The following CABIN1 variants were observed in gnomAD, a reference collection of about 807,000 sequenced individuals.
The protein encoded by CABIN1 is calcineurin binding protein 1.
Under a neutral mutation model 227.7 loss-of-function variants are expected in CABIN1, and 133 were observed. That is an observed-to-expected ratio of 0.58 (90% confidence interval 0.51 to 0.67). The LOEUF is 0.67. Among genes scored for constraint, CABIN1 ranks in the 30% least tolerant of loss-of-function variants. CABIN1 has a pLI of 0.00. For synonymous variants in CABIN1, 1,086 were observed against 1,155.1 expected, an observed-to-expected ratio of 0.94 and a Z score of 1.21; for missense variants, 2,408 against 2,852.5, an observed-to-expected ratio of 0.84 and a Z score of 3.55.
At chr22:24,058,596 G>C (rs1324735010) in intron 10 of CABIN1, among the ~76,000 whole-genome samples, 2 of 152,194 alleles carry the variant, frequency 1.3e-5, no homozygotes, top group African/African-American at 4.8e-5. Flanking sequence ...AGATGAGCTT[G>C]ATGTATCCCC....
chr22:24,071,379 C>T (rs1049661992), intron 17 of CABIN1, among the ~76,000 whole-genome samples: 3 of 152,248 alleles, frequency 2.0e-5, no homozygotes, highest in East Asian at 1.9e-4. Flanking sequence ...GAGCGCAGGC[C>T]GGGATGGCTC....
chr22:24,109,051 G>A (rs1017811017), intron 26 of CABIN1, among the ~76,000 whole-genome samples: 4 of 152,092 alleles, frequency 2.6e-5, no homozygotes, highest in African/African-American at 9.7e-5. Flanking sequence ...TCTGTGAAGT[G>A]GGTGCTTATG....
intron 32 of CABIN1, 132 bp downstream of exon 32, chr22:24,167,445 T>A: frequency 1.3e-6 from 1 of 743,392 alleles, no homozygotes; most frequent in Non-Finnish European, 2.2e-6. Context: ...ACACCATCCC[T>A]GCTGTTCACT....
Position 24,177,471 on chromosome 22 carries a change from G to A in CABIN1, c.6206-33G>A. 1 of 1,501,060 alleles carries A rather than the reference G, an allele frequency of 6.7e-7. No homozygotes were observed. The highest frequency in any genetic ancestry group is 8.9e-7 in the Non-Finnish European group (1 of 1,122,340). The allele number at this position is 1,501,060 out of a possible 1,614,324, so 93.0% of individuals were successfully genotyped here. A position where few individuals can be genotyped will look rare whatever the true frequency, so the allele number is the denominator to read the frequency against. ...AAGTGCTCACTGTGTGATGCGGCAGGCAGGAAGTGCTCTTGGTACCTTTGT... is the reference window on the plus strand; with the variant it reads ...AAGTGCTCACTGTGTGATGCGGCAGACAGGAAGTGCTCTTGGTACCTTTGT... On this transcript the variant is annotated intron_variant, in intron 35 of 36. Transcript: ENST00000263119. The surrounding 1 kb of genome is among the most constrained non-coding windows in gnomAD (Gnocchi z 4.4).
rs765015732 is a variant in CABIN1, at chr22:24,036,092, C to T, written c.7C>T (p.Arg3Ter). Residue 3 changes from arginine to a stop codon, truncating the protein, a stop_gained, in exon 3 of 37, where the codon CGA becomes TGA. Transcript: ENST00000263119. LOFTEE classifies it high-confidence loss of function. ...TCCACCAAACCCCTGTTTCTAGATT[C>T]GAATTGCAGCCTTAAATGCCAGCTC... is the stretch of plus-strand genomic sequence containing the variant. MI[R>*]IAALNASSTI... is the part of the protein sequence containing the mutation. The T allele has an allele frequency of 2.5e-6, 4 of 1,612,728 alleles. No homozygotes were observed. The highest frequency in any genetic ancestry group is 3.4e-6 in the Non-Finnish European group (4 of 1,178,844).
chr22:24,091,659 G>T lies in CABIN1; in HGVS notation c.3602G>T (p.Gly1201Val). ...TCAGCAGCCCGCTGCGAGGGTGATG[G>T]TGACGAGGAGGAGTGGCTCATCCAC... ...FTSAARCEGD[G>V]DEEEWLIHYM... The change falls in exon 24 of 37, where the codon GGT (glycine) becomes GTT (valine). Residue 1201 changes from glycine (G) to valine (V), a missense_variant. By Grantham distance (109) the Gly-to-Val change is moderately radical. Transcript: ENST00000263119. 6.2e-7 allele frequency: 1 copy of T among 1,614,240 alleles called. No individual in the cohort carries two copies. Among genetic ancestry groups the T allele is most frequent in the Non-Finnish European group, 8.5e-7 (1 of 1,180,040 alleles).
chr22:24,176,237 C>A lies in CABIN1; in HGVS notation c.6167C>A (p.Ala2056Asp), dbSNP rs1279049691. 1.2e-6 allele frequency: 2 copies of A among 1,608,556 alleles called. No individual in the cohort carries two copies. Among genetic ancestry groups the A allele is most frequent in the Admixed American group, 1.7e-5 (1 of 59,704 alleles). The change falls in exon 35 of 37, where the codon GCT becomes GAT. Residue 2056 changes from alanine to aspartate, a missense_variant. Physicochemically the swap from Ala to Asp is moderately radical, Grantham distance 126. Transcript: ENST00000263119. ...GAGCCACACTGCTGGCCGGCAGAGG[C>A]TGCCCTGGGCACAGGCGCTGAGCCC... ...PAEPHCWPAE[A>D]ALGTGAEPTC... is the part of the protein sequence containing the mutation.
intron 7 of CABIN1, among the ~76,000 whole-genome samples, chr22:24,049,532 C>A (rs1226373999): frequency 2.0e-5 from 3 of 152,222 alleles, no homozygotes; most frequent in African/African-American, 4.8e-5. Flanking sequence ...TTGCCTCCTG[C>A]CTTTCCCCTT....
At chr22:24,170,176 C>G (rs764601347) in intron 33 of CABIN1, 8 of 456,922 alleles carry the variant, frequency 1.8e-5, no homozygotes, top group Non-Finnish European at 3.5e-5. Context: ...GGCAGATTTG[C>G]GTTTCCTACC....
intron 17 of CABIN1, among the ~76,000 whole-genome samples, chr22:24,071,778 A>G (rs2040103986): frequency 6.6e-6 from 1 of 152,116 alleles, no homozygotes; most frequent in Admixed American, 6.5e-5. Context: ...AGGTACACTG[A>G]GCTCCAGGCC....
chr22:24,141,472 G>A (rs2044752595), intron 29 of CABIN1, among the ~76,000 whole-genome samples: 1 of 152,212 alleles, frequency 6.6e-6, no homozygotes, highest in South Asian at 2.1e-4. Context: ...CTGTGCCGGG[G>A]TCTCCAGGAC....
chr22:24,084,189 A>G (rs933015608), intron 20 of CABIN1, among the ~76,000 whole-genome samples: 1 of 151,882 alleles, frequency 6.6e-6, no homozygotes, highest in African/African-American at 2.4e-5. Flanking sequence ...TCTACAGACT[A>G]GGCTTATGCT....
chr22:24,151,006 C>A (rs747504212), intron 29 of CABIN1, among the ~76,000 whole-genome samples: 13 of 152,132 alleles, frequency 8.5e-5, no homozygotes, highest in Non-Finnish European at 1.3e-4. Flanking sequence ...CAAGTTTGTT[C>A]CCTTTCTGAG....
At chr22:24,029,972 A>G (rs2036379157) in intron 1 of CABIN1, among the ~76,000 whole-genome samples, 1 of 152,194 alleles carries the variant, frequency 6.6e-6, no homozygotes, top group Non-Finnish European at 1.5e-5. Context: ...GGCAAGCCTG[A>G]GGTACCTCCC....
intron 24 of CABIN1, among the ~76,000 whole-genome samples, chr22:24,095,499 A>G (rs559340131): frequency 1.5e-4 from 21 of 135,612 alleles, no homozygotes; most frequent in African/African-American, 5.5e-4. Flanking sequence ...GGGCTGGGCT[A>G]TAAACAGAAA....
At chr22:24,152,418 G>C (rs181577008) in intron 29 of CABIN1, among the ~76,000 whole-genome samples, 12 of 152,160 alleles carry the variant, frequency 7.9e-5, no homozygotes, top group African/African-American at 2.2e-4. Flanking sequence ...ACTCTGTCTC[G>C]ACCGTTGGGG....
rs1407871490 is a variant in CABIN1, at chr22:24,067,191, G to A, written c.2232+10G>A. On this transcript the variant is annotated intron_variant, in intron 16 of 36. Transcript: ENST00000263119. ...GCTGCTTCTTCTGCAGGTGTGTGCT[G>A]CCAGTGTCCCTCACACCCACTTGCA... The A allele has an allele frequency of 6.2e-7, 1 of 1,614,042 alleles. No homozygotes were observed. The highest frequency in any genetic ancestry group is 2.2e-5 in the East Asian group (1 of 44,884).
intron 14 of CABIN1, 134 bp downstream of exon 14, chr22:24,063,280 C>A: frequency 2.2e-6 from 2 of 897,678 alleles, no homozygotes; most frequent in Non-Finnish European, 3.5e-6. Flanking sequence ...ACATGCATAG[C>A]ACCTGCCCGG....
intron 28 of CABIN1, among the ~76,000 whole-genome samples, chr22:24,122,978 A>G (rs2043509075): frequency 6.6e-6 from 1 of 152,152 alleles, no homozygotes; most frequent in Admixed American, 6.5e-5. Flanking sequence ...AGAGCCAGAC[A>G]TCAGCCCCAG....
Sources: allele counts gnomAD v4.1 joint callset (sites outside exome capture counted in the v4.1 genomes callset), GRCh38; gene constraint gnomAD v4.1.1; non-coding constraint Gnocchi (gnomAD v3.1); transcripts MANE v1.5; gene names NCBI Gene and HGNC (gene_info 2026-07-23, HGNC 2026-07-21).